SMPD3: variants seen among roughly 807,000 people sequenced by gnomAD.
The protein encoded by SMPD3 is nSMase-2.
SMPD3 carries 21 observed loss-of-function variants against 55.7 expected under a neutral mutation model. The observed-to-expected ratio is 0.38, with a 90% CI of 0.27 to 0.54. The LOEUF (loss-of-function observed/expected upper bound fraction) is 0.54. SMPD3 is among the 20% of genes least tolerant of loss of function. The pLI, the probability that SMPD3 is intolerant of heterozygous loss-of-function variation, is 0.80. For missense variants in SMPD3, 842 were observed against 899.6 expected, an observed-to-expected ratio of 0.94 and a Z score of 0.82; for synonymous variants, 457 against 404.3, an observed-to-expected ratio of 1.13 and a Z score of -1.56.
Position 68,371,290 on chromosome 16 carries a change from A to G in SMPD3, c.892T>C (p.Ser298Pro), listed in dbSNP as rs1168780567. The G allele has an allele frequency of 6.2e-7, 1 of 1,603,260 alleles. No individual in the cohort carries two copies. Among genetic ancestry groups the G allele is most frequent in the Non-Finnish European group, 8.5e-7 (1 of 1,179,044 alleles). The change falls in exon 3 of 9, where the codon TCC (serine) becomes CCC (proline). Residue 298 changes from serine to proline, a missense_variant. Ser to Pro is a moderately conservative substitution (Grantham distance 74). Coordinates refer to ENST00000219334, the MANE Select transcript of SMPD3 (RefSeq NM_018667.4). ...DSGSLGSPSA[S>P]RESLVKGRAG... ...CGCCCCTTCACCAGGGACTCCCGGG[A>G]GGCCGAGGGGCTGCCCAGGCTCCCT...
At chr16:68,433,631 G>C (rs2152031011) in intron 1 of SMPD3, among the ~76,000 whole-genome samples, 1 of 152,368 alleles carries the variant, frequency 6.6e-6, no homozygotes, top group Non-Finnish European at 1.5e-5. Context: ...GATGAGATAG[G>C]AGGAGTGGGA....
intron 1 of SMPD3, among the ~76,000 whole-genome samples, chr16:68,411,956 G>T (rs1189192995): frequency 6.6e-6 from 1 of 152,162 alleles, no homozygotes; most frequent in African/African-American, 2.4e-5. Flanking sequence ...GAGAGGCTGG[G>T]GTGGGGGAGC....
intron 2 of SMPD3, among the ~76,000 whole-genome samples, chr16:68,375,652 C>A (rs1189263019): frequency 6.6e-6 from 1 of 152,210 alleles, no homozygotes; most frequent in African/African-American, 2.4e-5. Flanking sequence ...TGCCCTGGGC[C>A]CCCCTTTCTC....
chr16:68,363,834 T>C lies in SMPD3; in HGVS notation c.1588A>G (p.Thr530Ala), dbSNP rs749834994. ...DKLEQQHSLF[T>A]HYRDPCRLGP... is the part of the protein sequence containing the mutation. ...AGGCGGCAGGGGTCCCTGTAGTGGG[T>C]GAACAGGGAGTGTTGCTGCTCCAGC... Residue 530 changes from threonine to alanine, a missense_variant, in exon 6 of 9, where the codon ACC (threonine) becomes GCC (alanine). Transcript: ENST00000219334. The C allele has an allele frequency of 7.6e-6, 12 of 1,570,328 alleles. No individual in the cohort carries two copies. Among genetic ancestry groups the C allele is most frequent in the Non-Finnish European group, 1.0e-5 (12 of 1,157,592 alleles).
intron 3 of SMPD3, among the ~76,000 whole-genome samples, chr16:68,365,942 G>C (rs2089466040): frequency 6.6e-6 from 1 of 152,194 alleles, no homozygotes; most frequent in South Asian, 2.1e-4. Flanking sequence ...GCCCAGGAGA[G>C]GTGAGGGATG....
intron 1 of SMPD3, among the ~76,000 whole-genome samples, chr16:68,393,129 G>T (rs1005211547): frequency 2.6e-5 from 4 of 152,212 alleles, no homozygotes; most frequent in Non-Finnish European, 5.9e-5. Context: ...AGGAGGCTGG[G>T]CATGGTGGCT....
chr16:68,388,960 C>T (rs1217569691), intron 1 of SMPD3, among the ~76,000 whole-genome samples: 2 of 152,174 alleles, frequency 1.3e-5, no homozygotes, highest in African/African-American at 4.8e-5. Context: ...ATCAGAGCCT[C>T]CCTCTGCCAG....
intron 1 of SMPD3, among the ~76,000 whole-genome samples, chr16:68,444,089 G>A (rs535074649): frequency 9.8e-5 from 15 of 152,304 alleles, no homozygotes; most frequent in Non-Finnish European, 1.9e-4. Context: ...GAGTTTGTTC[G>A]AAGTAATGCA....
chr16:68,438,350 T>C (rs1362886693), intron 1 of SMPD3, among the ~76,000 whole-genome samples: 1 of 152,220 alleles, frequency 6.6e-6, no homozygotes, highest in African/African-American at 2.4e-5. Flanking sequence ...GTAATTTATT[T>C]GAAAACCAAA....
In SMPD3 at chr16:68,447,112, G is replaced by C. The variant is rs2090616344; in HGVS notation, c.-269+1241C>G. On this transcript the variant is annotated intron_variant, in intron 1 of 8. Coordinates refer to ENST00000219334, the MANE Select transcript of SMPD3 (RefSeq NM_018667.4). This position sits in a 1 kb window ranked among gnomAD's most constrained non-coding sequence, Gnocchi z 5.1. Reference sequence around the variant, plus strand: ...CCTCCGCGGCCGCGCCCCCCGCCCAGCCCGCGGCGCAGGCCTGCCAGTGCG... The same window carrying C: ...CCTCCGCGGCCGCGCCCCCCGCCCACCCCGCGGCGCAGGCCTGCCAGTGCG... Among the ~76,000 whole-genome samples the C allele has an allele frequency of 6.6e-6, 1 of 151,890 alleles. No homozygotes were observed. The highest frequency in any genetic ancestry group is 2.4e-5 in the African/African-American group (1 of 41,408).
At chr16:68,397,460 G>C (rs528548854) in intron 1 of SMPD3, among the ~76,000 whole-genome samples, 1 of 152,276 alleles carries the variant, frequency 6.6e-6, no homozygotes, top group Non-Finnish European at 1.5e-5. Context: ...GGAACACCCC[G>C]GTCAAGCCCA....
At chr16:68,427,354 G>A (rs1470780357) in intron 1 of SMPD3, among the ~76,000 whole-genome samples, 2 of 152,176 alleles carry the variant, frequency 1.3e-5, no homozygotes, top group African/African-American at 2.4e-5. Context: ...TTTCTGTATC[G>A]TCAAACTTGC....
intron 6 of SMPD3, 81 bp downstream of exon 6, chr16:68,363,696 T>C: frequency 6.8e-7 from 1 of 1,468,814 alleles, no homozygotes; most frequent in Non-Finnish European, 9.3e-7. Context: ...CAGTGGGGTC[T>C]TGTGGGGTAG....
chr16:68,380,895 C>A (rs1266930176), intron 2 of SMPD3, among the ~76,000 whole-genome samples: 1 of 152,238 alleles, frequency 6.6e-6, no homozygotes, highest in African/African-American at 2.4e-5. Context: ...GATTGGCCGA[C>A]TACACGATGT....
chr16:68,384,148 C>A (rs2090005826), intron 2 of SMPD3, among the ~76,000 whole-genome samples: 1 of 152,256 alleles, frequency 6.6e-6, no homozygotes, highest in African/African-American at 2.4e-5. Context: ...TCTCCTCTTG[C>A]TCCTGGAGCT....
chr16:68,393,751 G>A (rs188848098), intron 1 of SMPD3, among the ~76,000 whole-genome samples: 68 of 152,182 alleles, frequency 4.5e-4, no homozygotes, highest in Non-Finnish European at 3.8e-4. Flanking sequence ...GATAGCTTTT[G>A]TCTTTTATAT....
intron 3 of SMPD3, chr16:68,369,322 G>A (rs949935594): frequency 6.6e-6 from 1 of 152,182 alleles, no homozygotes; most frequent in African/African-American, 2.4e-5. Flanking sequence ...AGAACTTTCA[G>A]GACAGAACCT....
Position 68,372,078 on chromosome 16 carries a change from G to A in SMPD3, c.104C>T (p.Ala35Val). ...FPCYWLVDRL[A>V]ASFIPTTYEK... Reference sequence around the variant, plus strand: ...GTAGGTGGTGGGTATGAAGGAGGCAGCGAGCCGGTCCACCAGCCAGTAGCA... The same window carrying A: ...GTAGGTGGTGGGTATGAAGGAGGCAACGAGCCGGTCCACCAGCCAGTAGCA... Residue 35 changes from alanine (A) to valine (V), a missense_variant, in exon 3 of 9, where the codon GCT becomes GTT. Ala to Val is a moderately conservative substitution (Grantham distance 64). This residue lies in a region of SMPD3 where 193 missense variants were observed against 256.0 expected (regional missense o/e 0.75). Coordinates refer to ENST00000219334, the MANE Select transcript of SMPD3 (RefSeq NM_018667.4). The A allele has an allele frequency of 6.2e-7, 1 of 1,606,076 alleles. No homozygotes were observed. The highest frequency in any genetic ancestry group is 1.1e-5 in the South Asian group (1 of 89,858).
At chr16:68,436,458 T>A (rs1312552062) in intron 1 of SMPD3, among the ~76,000 whole-genome samples, 1 of 152,160 alleles carries the variant, frequency 6.6e-6, no homozygotes, top group Non-Finnish European at 1.5e-5. Flanking sequence ...TTATCTTATC[T>A]CACTGCACTG....
Sources: gnomAD v4.1 joint callset for allele counts (sites outside exome capture counted in the v4.1 genomes callset) on GRCh38, gnomAD v4.1.1 for gene constraint, gnomAD v4.1.1 regional missense constraint, Gnocchi (gnomAD v3.1) non-coding constraint, MANE v1.5 for transcripts, NCBI Gene and HGNC (gene_info 2026-07-23, HGNC 2026-07-21) for gene names.